FSTL5: variants seen among roughly 807,000 people sequenced by gnomAD.
The protein encoded by FSTL5 is follistatin-related protein 5.
In FSTL5, 62 loss-of-function variants were observed where a neutral mutation model predicts 89.1. That is an observed-to-expected ratio of 0.70 (90% CI 0.57 to 0.86). The LOEUF is 0.86. Among genes scored for constraint, FSTL5 ranks in the 40% least tolerant of loss-of-function variants. FSTL5 has a pLI of 0.00. For missense variants in FSTL5, 1,057 were observed against 1,001.6 expected (o/e 1.06, Z -0.75); for synonymous variants, 383 against 346.2 (o/e 1.11, Z -1.18).
intron 6 of FSTL5, among the ~76,000 whole-genome samples, chr4:161,710,584 GTGTCAGCCA>G (rs1212981568): frequency 2.0e-5 from 3 of 152,174 alleles, no homozygotes; most frequent in Non-Finnish European, 4.4e-5. Context: ...GAACTAGGCA[GTGTCAGCCA>G]TTCTAGGTTA....
chr4:162,134,279 G>A (rs1732442900), intron 1 of FSTL5, among the ~76,000 whole-genome samples: 1 of 152,134 alleles, frequency 6.6e-6, no homozygotes, highest in South Asian at 2.1e-4. Flanking sequence ...AGTGACCTGA[G>A]GGAGAATAAT....
intron 15 of FSTL5, among the ~76,000 whole-genome samples, chr4:161,391,961 T>C (rs1730836192): frequency 2.0e-5 from 3 of 152,228 alleles, no homozygotes; most frequent in Admixed American, 2.0e-4. Flanking sequence ...ATATTACTTC[T>C]TCCCTAAATT....
At chr4:161,896,362 A>G (rs1383404288) in intron 4 of FSTL5, among the ~76,000 whole-genome samples, 2 of 152,164 alleles carry the variant, frequency 1.3e-5, no homozygotes, top group African/African-American at 2.4e-5. Flanking sequence ...TTATCATGCT[A>G]TCCTTGCTTA....
At chr4:161,445,122 A>C (rs1186845352) in intron 15 of FSTL5, among the ~76,000 whole-genome samples, 1 of 152,002 alleles carries the variant, frequency 6.6e-6, no homozygotes. Flanking sequence ...GTAAATTCAG[A>C]CTTTAAAATC....
chr4:161,843,259 G>T (rs1470136992), intron 4 of FSTL5, among the ~76,000 whole-genome samples: 1 of 152,074 alleles, frequency 6.6e-6, no homozygotes, highest in African/African-American at 2.4e-5. Context: ...CTCTTTTTTA[G>T]TTCCATATGA....
intron 3 of FSTL5, among the ~76,000 whole-genome samples, chr4:161,985,176 T>G (rs576603641): frequency 3.6e-4 from 55 of 152,154 alleles, no homozygotes; most frequent in African/African-American, 1.3e-3. Flanking sequence ...AATTCTTATA[T>G]TTACCCAAGA....
At chr4:161,817,284 A>G (rs950315922) in intron 4 of FSTL5, among the ~76,000 whole-genome samples, 4 of 152,238 alleles carry the variant, frequency 2.6e-5, no homozygotes, top group African/African-American at 7.2e-5. Flanking sequence ...GGCCTAGATC[A>G]TAACAAGGAA....
At chr4:161,536,509 C>A (rs1010989529) in intron 10 of FSTL5, among the ~76,000 whole-genome samples, 8 of 152,082 alleles carry the variant, frequency 5.3e-5, no homozygotes, top group African/African-American at 1.4e-4. Context: ...ATCAAGTAGA[C>A]GTTATTACAT....
chr4:162,041,280 A>T (rs894797114), intron 2 of FSTL5, among the ~76,000 whole-genome samples: 2 of 151,976 alleles, frequency 1.3e-5, no homozygotes, highest in African/African-American at 4.8e-5. Context: ...AGGACATAGC[A>T]TAGACAAAGT....
chr4:162,123,779 A>T (rs2111439582), intron 1 of FSTL5, among the ~76,000 whole-genome samples: 1 of 152,146 alleles, frequency 6.6e-6, no homozygotes, highest in East Asian at 1.9e-4. Context: ...CATATAACTT[A>T]CATTTTATTT....
At chr4:162,104,003 T>C (rs1220338664) in intron 2 of FSTL5, among the ~76,000 whole-genome samples, 1 of 152,178 alleles carries the variant, frequency 6.6e-6, no homozygotes, top group African/African-American at 2.4e-5. Flanking sequence ...TTTCACTCTA[T>C]TAAATCTTGC....
chr4:161,747,526 G>C (rs1253873659), intron 6 of FSTL5, among the ~76,000 whole-genome samples: 8 of 152,158 alleles, frequency 5.3e-5, no homozygotes, highest in Non-Finnish European at 1.0e-4. Context: ...TCTCTAGACG[G>C]TACCTGCAAA....
intron 15 of FSTL5, among the ~76,000 whole-genome samples, chr4:161,450,583 C>A (rs1421906202): frequency 1.3e-5 from 2 of 152,030 alleles, no homozygotes; most frequent in Non-Finnish European, 2.9e-5. Flanking sequence ...TTTAATATAA[C>A]AACTGAGTTG....
chr4:162,159,364 T>C (rs4691818), intron 1 of FSTL5, among the ~76,000 whole-genome samples: 79,943 of 151,754 alleles, frequency 0.53, 21,237 homozygotes, highest in Admixed American at 0.59. Flanking sequence ...AATGAAGAAG[T>C]ATTTTTAAAT....
At chr4:161,646,601 C>T (rs919559058) in intron 7 of FSTL5, among the ~76,000 whole-genome samples, 5 of 152,026 alleles carry the variant, frequency 3.3e-5, no homozygotes, top group Non-Finnish European at 5.9e-5. Context: ...CTATGCACTG[C>T]AGAAAATCTT....
intron 7 of FSTL5, among the ~76,000 whole-genome samples, chr4:161,631,414 C>T (rs1016133808): frequency 2.6e-5 from 4 of 152,058 alleles, no homozygotes; most frequent in Admixed American, 6.6e-5. Context: ...GTCACAAGTT[C>T]GAGAGCAGCC....
chr4:162,070,940 A>C (rs1729594303), intron 2 of FSTL5, among the ~76,000 whole-genome samples: 1 of 151,716 alleles, frequency 6.6e-6, no homozygotes, highest in Admixed American at 6.6e-5. Context: ...GATAATATAT[A>C]CTGTCATGAA....
At chr4:162,039,472 C>CA (rs1173873665) in intron 2 of FSTL5, among the ~76,000 whole-genome samples, 1 of 151,896 alleles carries the variant, frequency 6.6e-6, no homozygotes, top group Non-Finnish European at 1.5e-5. Flanking sequence ...TCTTCTATCT[C>CA]ATTGCAGCAA....
intron 4 of FSTL5, among the ~76,000 whole-genome samples, chr4:161,829,448 C>T (rs1450462430): frequency 6.7e-6 from 1 of 148,220 alleles, no homozygotes; most frequent in Non-Finnish European, 1.5e-5. Context: ...GATTTTTAAG[C>T]TAAAAATCTA....
Sources: allele counts gnomAD v4.1 joint callset (sites outside exome capture counted in the v4.1 genomes callset), GRCh38; gene constraint gnomAD v4.1.1; transcripts MANE v1.5; gene names NCBI Gene and HGNC (gene_info 2026-07-23, HGNC 2026-07-21).